Variants in INF2 observed in about 807,000 individuals in gnomAD.
INF2 encodes the protein inverted formin 2.
A neutral mutation model predicts 123.5 loss-of-function variants in INF2; 43 were observed. The ratio of observed to expected loss-of-function variants is 0.35; its 90% CI spans 0.27 to 0.45. The LOEUF is 0.45. INF2 is among the 20% of genes least tolerant of loss of function. The probability of loss-of-function intolerance (pLI) is 1.00; values close to 1 mark genes in which losing one functional copy is unlikely to be tolerated. For missense variants in INF2, 1,453 were observed against 1,682.7 expected (o/e 0.86, Z 2.39); for synonymous variants, 851 against 745.0 (o/e 1.14, Z -2.32).
chr14:104,700,770 G>T, intron 1 of INF2: 1 of 888,232 alleles, frequency 1.1e-6, no homozygotes. Context: ...CTACCCACAT[G>T]CAGACGGGCA....
chr14:104,704,230 C>G lies in INF2; in HGVS notation c.701+281C>G, dbSNP rs118092663. On this transcript the variant is annotated intron_variant, in intron 5 of 22. Transcript: ENST00000392634. ...GCACACCGTGGATGGAGCTGGAGGCCGTGATCCTAAGTGAACCAACCCAGA... is the reference window on the plus strand; with the variant it reads ...GCACACCGTGGATGGAGCTGGAGGCGGTGATCCTAAGTGAACCAACCCAGA... The G allele has an allele frequency of 0.014, 19,591 of 1,368,708 alleles. 222 individuals are homozygous for G. Among genetic ancestry groups the G allele is most frequent in the South Asian group, 0.039 (2,436 of 62,592 alleles). The allele number at this position is 1,368,708 out of a possible 1,614,324, so 84.8% of individuals were successfully genotyped here.
intron 12 of INF2, 42 bp from the exon 13 acceptor site, chr14:104,710,046 T>C (rs778226393): frequency 6.8e-7 from 1 of 1,463,398 alleles, no homozygotes; most frequent in East Asian, 2.5e-5. Context: ...CAGGGACAGG[T>C]GGGGGGTGCA....
At chr14:104,700,457 A>G (rs1051374846) in intron 1 of INF2, among the ~76,000 whole-genome samples, 4 of 152,104 alleles carry the variant, frequency 2.6e-5, no homozygotes, top group South Asian at 2.1e-4. Context: ...GACGCTAAAT[A>G]TAAGATCTAA....
chr14:104,711,219 G>A, intron 15 of INF2, 33 bp downstream of exon 15: 2 of 1,504,226 alleles, frequency 1.3e-6, no homozygotes, highest in South Asian at 2.4e-5. Flanking sequence ...TAATGGGAGG[G>A]CTTCAAGTCC....
chr14:104,703,684 C>T (rs1889641882), intron 4 of INF2, among the ~76,000 whole-genome samples: 1 of 152,210 alleles, frequency 6.6e-6, no homozygotes, highest in African/African-American at 2.4e-5. Context: ...ACTGGCCAGG[C>T]AGTGGAGCCG....
chr14:104,686,606 G>A (rs1487409745), upstream of INF2, among the ~76,000 whole-genome samples: 1 of 152,070 alleles, frequency 6.6e-6, no homozygotes, highest in African/African-American at 2.4e-5. Context: ...TCATCTCAGG[G>A]CACCACAGTA....
intron 1 of INF2, among the ~76,000 whole-genome samples, chr14:104,691,508 T>C (rs1371236276): frequency 1.3e-5 from 2 of 152,074 alleles, no homozygotes; most frequent in Admixed American, 1.3e-4. Flanking sequence ...AAACAGCAGG[T>C]GTCTGATAGG....
rs1890502592 is a variant in INF2, at chr14:104,720,344, T to G, written c.*1551T>G. The G allele has an allele frequency of 5.8e-6, 1 of 172,086 alleles. No individual in the cohort carries two copies. Among genetic ancestry groups the G allele is most frequent in the Non-Finnish European group, 1.2e-5 (1 of 80,860 alleles). The allele number at this position is 172,086 out of a possible 1,614,324, so 10.7% of individuals were successfully genotyped here. On this transcript the variant is annotated 3_prime_UTR_variant, in exon 23 of 23. Transcript: ENST00000392634. ...GCTGTGGACATTTGCGTAGTCCTCGTGTGGATGCTGCTGTGGACGTCTGCG... is the reference window on the plus strand; with the variant it reads ...GCTGTGGACATTTGCGTAGTCCTCGGGTGGATGCTGCTGTGGACGTCTGCG...
chr14:104,700,040 G>A (rs1056259803), intron 1 of INF2, among the ~76,000 whole-genome samples: 1 of 152,132 alleles, frequency 6.6e-6, no homozygotes, highest in East Asian at 1.9e-4. Flanking sequence ...TCAAGGGCAG[G>A]TGCTCCAGGA....
intron 1 of INF2, among the ~76,000 whole-genome samples, chr14:104,695,646 C>G (rs535058444): frequency 6.6e-6 from 1 of 151,958 alleles, no homozygotes; most frequent in African/African-American, 2.4e-5. Context: ...ATCCCCCTAC[C>G]CCCCCTACAG....
chr14:104,713,093 C>T (rs1421503158), intron 18 of INF2, 101 bp downstream of exon 18: 14 of 1,607,136 alleles, frequency 8.7e-6, no homozygotes, highest in African/African-American at 8.0e-5. Context: ...TTCGTCGGGC[C>T]GACACAGCCA....
At chr14:104,716,341 G>A (rs1358457653) in intron 22 of INF2, among the ~76,000 whole-genome samples, 2 of 152,224 alleles carry the variant, frequency 1.3e-5, no homozygotes, top group Non-Finnish European at 2.9e-5. Flanking sequence ...GTTGGGGCAC[G>A]GCCTTCACCC....
intron 1 of INF2, chr14:104,690,114 C>T (rs1239582212): frequency 6.6e-6 from 1 of 152,212 alleles, no homozygotes; most frequent in Non-Finnish European, 1.5e-5. Flanking sequence ...ACTTCAACTT[C>T]GGGTCCGCCG....
intron 4 of INF2, 36 bp downstream of exon 4, chr14:104,703,490 C>G: frequency 6.2e-7 from 1 of 1,605,936 alleles, no homozygotes; most frequent in Non-Finnish European, 8.5e-7. Flanking sequence ...CCCGCTCCTG[C>G]CCGCCTCTTG....
In INF2 at chr14:104,711,199, G is replaced by T. The variant is rs1179277165; in HGVS notation, c.2418+13G>T. 3.2e-6 allele frequency: 5 copies of T among 1,548,818 alleles called. No homozygotes were observed. In the Admixed American group the frequency reaches 9.7e-5, roughly 30 times the overall value. On this transcript the variant is annotated intron_variant, in intron 15 of 22. Coordinates refer to ENST00000392634, the MANE Select transcript of INF2 (RefSeq NM_022489.4). Reference sequence around the variant, plus strand: ...CCACGTGCTGGAGGTGGGCCGTGGTGGCGGGGGCATAATGGGAGGGCTTCA... The same window carrying T: ...CCACGTGCTGGAGGTGGGCCGTGGTTGCGGGGGCATAATGGGAGGGCTTCA...
chr14:104,696,666 G>A (rs1200062366), intron 1 of INF2, among the ~76,000 whole-genome samples: 2 of 152,138 alleles, frequency 1.3e-5, no homozygotes, highest in Non-Finnish European at 2.9e-5. Flanking sequence ...GAACCCCGGG[G>A]TGCTGCCAGG....
intron 1 of INF2, chr14:104,691,198 G>C (rs918358473): frequency 3.9e-5 from 6 of 152,260 alleles, no homozygotes; most frequent in African/African-American, 1.4e-4. Context: ...CCGCACATGT[G>C]GGGACGTGGA....
chr14:104,685,428 C>G (rs1303079530), upstream of INF2, among the ~76,000 whole-genome samples: 1 of 152,118 alleles, frequency 6.6e-6, no homozygotes, highest in Non-Finnish European at 1.5e-5. Context: ...GGCAAAGCTG[C>G]CAGCTACAGA....
intron 11 of INF2, 84 bp from the exon 12 acceptor site, chr14:104,709,536 C>A: frequency 7.3e-7 from 1 of 1,368,512 alleles, no homozygotes. Flanking sequence ...ATGATGGGCA[C>A]TGGAGGGGCT....
Sources: gnomAD v4.1 joint callset for allele counts (sites outside exome capture counted in the v4.1 genomes callset) on GRCh38, gnomAD v4.1.1 for gene constraint, MANE v1.5 for transcripts, NCBI Gene and HGNC (gene_info 2026-07-23, HGNC 2026-07-21) for gene names.